Variants in ANPEP observed in about 807,000 individuals in gnomAD.
ANPEP encodes alanyl aminopeptidase, membrane, also known as aminopeptidase N.
A neutral mutation model predicts 114.6 loss-of-function variants in ANPEP; 70 were observed. The ratio of observed to expected loss-of-function variants is 0.61; its 90% confidence interval spans 0.50 to 0.75. The LOEUF is 0.75. ANPEP is among the 30% of genes least tolerant of loss of function. The probability of loss-of-function intolerance (pLI) is 0.00; values close to 1 mark genes in which losing one functional copy is unlikely to be tolerated. For missense variants in ANPEP, 1,184 were observed against 1,259.5 expected, an observed-to-expected ratio of 0.94 and a Z score of 0.91; for synonymous variants, 548 against 522.3, an observed-to-expected ratio of 1.05 and a Z score of -0.67.
chr15:89,802,762 GCTGTGCGGGGT>G, intron 10 of ANPEP: 1 of 179,250 alleles, frequency 5.6e-6, no homozygotes, highest in South Asian at 1.1e-4. Context: ...ACAAACAGGG[GCTGTGCGGGGT>G]CTGATGGAGA....
Position 89,806,166 on chromosome 15 carries a change from G to T in ANPEP, c.418C>A (p.Arg140Ser). 6.2e-7 allele frequency: 1 copy of T among 1,614,008 alleles called. No homozygotes were observed. The highest frequency in any genetic ancestry group is 1.1e-5 in the South Asian group (1 of 91,076). Residue 140 changes from arginine (R) to serine (S), a missense_variant, in exon 2 of 21, where the codon CGT becomes AGT. Transcript: ENST00000300060. This position sits in a 1 kb window ranked among gnomAD's most constrained non-coding sequence, Gnocchi z 5.7. ...GGGGGCTGGGAGCCTCCCACACCAC[G>T]CAGGACCACCCTGTGCCCCTGGCTG... ...TLSQGHRVVLRGVGGSQPPDI... is the reference protein window; with the variant it reads ...TLSQGHRVVLSGVGGSQPPDI...
At chr15:89,812,148 TGTGGCCGGGAGAGCTGAGCACCC>T (rs549252024) in intron 1 of ANPEP, among the ~76,000 whole-genome samples, 2,322 of 152,290 alleles carry the variant, frequency 0.015, 56 homozygotes, top group African/African-American at 0.052. Flanking sequence ...TGGGAGGGGC[TGTGGCCGGGAGAGCTGAGCACCC>T]GTGGCCGGGT....
chr15:89,792,976 G>T, intron 16 of ANPEP, 59 bp downstream of exon 16: 1 of 1,409,580 alleles, frequency 7.1e-7, no homozygotes, highest in Non-Finnish European at 1.0e-6. Flanking sequence ...CTGCCAGGAT[G>T]TTGCTCTTGA....
rs1894639791 is a variant in ANPEP at position 89,803,538 on chromosome 15, G to A, written c.1438-31C>T. On this transcript the variant is annotated intron_variant, in intron 8 of 20. Transcript: ENST00000300060. This position sits in a 1 kb window ranked among gnomAD's most constrained non-coding sequence, Gnocchi z 4.2. Reference sequence around the variant, plus strand: ...GTGGGGGTGAGGGGGCGCTCAGAAGGCTGTGCAGAGCCACCAGGACCCTGT... The same window carrying A: ...GTGGGGGTGAGGGGGCGCTCAGAAGACTGTGCAGAGCCACCAGGACCCTGT... 1.2e-6 allele frequency: 2 copies of A among 1,605,018 alleles called. No individual in the cohort carries two copies.
chr15:89,807,867 A>G (rs942783508), intron 1 of ANPEP, among the ~76,000 whole-genome samples: 4 of 152,034 alleles, frequency 2.6e-5, no homozygotes, highest in Non-Finnish European at 5.9e-5. Flanking sequence ...AGTTTCTCAG[A>G]CCTCGACACC....
intron 20 of ANPEP, among the ~76,000 whole-genome samples, chr15:89,788,639 C>A (rs777396919): frequency 6.6e-6 from 1 of 152,026 alleles, no homozygotes; most frequent in Non-Finnish European, 1.5e-5. Flanking sequence ...CTTGCTCTGT[C>A]ACCCAGGCTG....
At chr15:89,801,277 C>T (rs1311216240) in intron 11 of ANPEP, 90 bp from the exon 12 acceptor site, 7 of 1,559,566 alleles carry the variant, frequency 4.5e-6, no homozygotes, top group Non-Finnish European at 6.2e-6. Context: ...TTCTGCCCAG[C>T]TCTGGCACCG....
intron 15 of ANPEP, among the ~76,000 whole-genome samples, chr15:89,793,517 A>G (rs1968672372): frequency 6.6e-6 from 1 of 152,042 alleles, no homozygotes. Flanking sequence ...CCTGGGCAAC[A>G]TGGTGAAACC....
At chr15:89,786,710 A>G (rs1464797147) in intron 20 of ANPEP, among the ~76,000 whole-genome samples, 1 of 152,062 alleles carries the variant, frequency 6.6e-6, no homozygotes, top group African/African-American at 2.4e-5. Flanking sequence ...AAAAAAGCAA[A>G]TTGGAGGACT....
chr15:89,806,884 C>G lies in ANPEP; in HGVS notation c.-223-78G>C. 1 of 335,226 alleles carries G rather than the reference C, an allele frequency of 3.0e-6. No homozygotes were observed. The highest frequency in any genetic ancestry group is 5.6e-6 in the Non-Finnish European group (1 of 179,252). 20.8% of individuals were successfully genotyped at this position (335,226 alleles called of 1,614,324 possible). A position where few individuals can be genotyped will look rare whatever the true frequency, so the allele number is the denominator to read the frequency against. On this transcript the variant is annotated intron_variant, in intron 1 of 20. Coordinates refer to ENST00000300060, the MANE Select transcript of ANPEP (RefSeq NM_001150.3). This position sits in a 1 kb window ranked among gnomAD's most constrained non-coding sequence, Gnocchi z 5.7. ...GCCCGAGGGCTGAAGGGCAGGCTTC[C>G]GGCTGTAGGCCCAGTGGGCAAAGCA... is the stretch of plus-strand genomic sequence containing the variant.
rs1968485151 is a variant in ANPEP, at chr15:89,785,291, TG to T, written c.*57del. On this transcript the variant is annotated 3_prime_UTR_variant, in exon 21 of 21. Coordinates refer to ENST00000300060, the MANE Select transcript of ANPEP (RefSeq NM_001150.3). ...GGAATGGAGGCCCTGCACCAGCCGCTGGGATGGACACATGTGGGCACCTTGC... is the reference window on the plus strand; with the variant it reads ...GGAATGGAGGCCCTGCACCAGCCGCTGGATGGACACATGTGGGCACCTTGC... 1 of 1,602,604 alleles carries T rather than the reference TG, an allele frequency of 6.2e-7. No individual in the cohort carries two copies. Among genetic ancestry groups the T allele is most frequent in the Non-Finnish European group, 8.5e-7 (1 of 1,171,174 alleles).
intron 6 of ANPEP, 54 bp downstream of exon 6, chr15:89,804,199 T>C (rs1894658407): frequency 1.2e-6 from 2 of 1,606,336 alleles, no homozygotes; most frequent in Admixed American, 3.3e-5. Flanking sequence ...ACTTGCGCCG[T>C]CTCCTCTCGG....
At chr15:89,808,298 C>T (rs980763045) in intron 1 of ANPEP, among the ~76,000 whole-genome samples, 1 of 152,212 alleles carries the variant, frequency 6.6e-6, no homozygotes, top group African/African-American at 2.4e-5. Context: ...GCCGCCCTGA[C>T]CTCCCTGACC....
chr15:89,810,092 C>T (rs893358608), intron 1 of ANPEP, among the ~76,000 whole-genome samples: 3 of 152,084 alleles, frequency 2.0e-5, no homozygotes, highest in African/African-American at 7.2e-5. Flanking sequence ...AGGAAAATGC[C>T]ACTGAGGCTG....
In ANPEP at chr15:89,804,481, C is replaced by T; in HGVS notation, c.1024+10G>A. ...ATCCACTGCCTCCCTCCTCAAGGAC[C>T]CCCACTCACCTGATTTTGGGAGTGG... On this transcript the variant is annotated intron_variant, in intron 5 of 20. Transcript: ENST00000300060. The T allele has an allele frequency of 6.2e-7, 1 of 1,614,164 alleles. No homozygotes were observed. Among genetic ancestry groups the T allele is most frequent in the Non-Finnish European group, 8.5e-7 (1 of 1,180,006 alleles).
At position 89,792,540 on chromosome 15, in the gene ANPEP, T is replaced by C; in HGVS notation, c.2272A>G (p.Ser758Gly). 1 of 1,614,174 alleles carries C rather than the reference T, an allele frequency of 6.2e-7. No individual in the cohort carries two copies. The highest frequency in any genetic ancestry group is 8.5e-7 in the Non-Finnish European group (1 of 1,180,020). The change falls in exon 17 of 21, where the codon AGC (serine) becomes GGC (glycine). Residue 758 changes from serine to glycine, a missense_variant. Ser to Gly is a moderately conservative substitution (Grantham distance 56, BLOSUM62 0). Coordinates refer to ENST00000300060, the MANE Select transcript of ANPEP (RefSeq NM_001150.3). ...GGAACTCCGTTGGAGCAGGCGGTGCTGATGGCATTAACCTCGCTGTACCTG... is the reference window on the plus strand; with the variant it reads ...GGAACTCCGTTGGAGCAGGCGGTGCCGATGGCATTAACCTCGCTGTACCTG... ...MDQYSEVNAI[S>G]TACSNGVPEC... is the part of the protein sequence containing the mutation.
chr15:89,804,697 G>T (rs552475091), intron 4 of ANPEP, 80 bp from the exon 5 acceptor site: 2 of 1,550,162 alleles, frequency 1.3e-6, no homozygotes, highest in African/African-American at 2.7e-5. Flanking sequence ...GGGCCCAGTG[G>T]GCTGGGGGGA....
intron 14 of ANPEP, 147 bp from the exon 15 acceptor site, chr15:89,797,869 G>A: frequency 1.8e-6 from 2 of 1,137,912 alleles, no homozygotes; most frequent in Non-Finnish European, 2.5e-6. Context: ...ATTCCCAACT[G>A]AGCCAGCTCA....
Position 89,806,729 on chromosome 15 carries a change from A to C in ANPEP, c.-146T>G. 5.3e-6 allele frequency: 7 copies of C among 1,322,638 alleles called. No individual in the cohort carries two copies. Among genetic ancestry groups the C allele is most frequent in the African/African-American group, 1.5e-5 (1 of 67,504 alleles). The allele number at this position is 1,322,638 out of a possible 1,614,324, so 81.9% of individuals were successfully genotyped here. A position where few individuals can be genotyped will look rare whatever the true frequency, so the allele number is the denominator to read the frequency against. On this transcript the variant is annotated 5_prime_UTR_variant, in exon 2 of 21. Transcript: ENST00000300060. This position sits in a 1 kb window ranked among gnomAD's most constrained non-coding sequence, Gnocchi z 5.7. ...ACCAGGGCTCCAACAGGCGAAGGTC[A>C]CTGGACTGGGCAGGGGCACGCTCCG...
Sources: gnomAD v4.1 joint callset for allele counts (sites outside exome capture counted in the v4.1 genomes callset) on GRCh38, gnomAD v4.1.1 for gene constraint, Gnocchi (gnomAD v3.1) non-coding constraint, MANE v1.5 for transcripts, NCBI Gene and HGNC (gene_info 2026-07-23, HGNC 2026-07-21) for gene names.